Variants in ABLIM2 observed in about 807,000 individuals in gnomAD.
ABLIM2 encodes actin binding LIM protein family member 2.
In ABLIM2, 53 loss-of-function variants were observed where a neutral mutation model predicts 97.7. That is an observed-to-expected ratio of 0.54 (90% CI 0.44 to 0.68). The LOEUF is 0.68. Among genes scored for constraint, ABLIM2 ranks in the 30% least tolerant of loss-of-function variants. The pLI is 0.00. For missense variants in ABLIM2, 835 were observed against 867.2 expected, an observed-to-expected ratio of 0.96 and a Z score of 0.47; for synonymous variants, 361 against 345.8, an observed-to-expected ratio of 1.04 and a Z score of -0.49.
rs1032155269 is a variant in ABLIM2, at chr4:8,032,979, A to T, written c.1047+3170T>A. Among the ~76,000 whole-genome samples, 1 of 152,194 alleles carries T rather than the reference A, an allele frequency of 6.6e-6. No homozygotes were observed. Among genetic ancestry groups the T allele is most frequent in the Non-Finnish European group, 1.5e-5 (1 of 68,040 alleles). On this transcript the variant is annotated intron_variant, in intron 10 of 20. Coordinates refer to ENST00000447017, the MANE Select transcript of ABLIM2 (RefSeq NM_001130083.2). This position sits in a 1 kb window ranked among gnomAD's most constrained non-coding sequence, Gnocchi z 4.3. ...CACGTCCCACTGTTCTCCCACAAAG[A>T]TGTGTTTTCCCAAAAGGAAGACACT...
chr4:7,968,771 G>A (rs1457067935), intron 20 of ABLIM2, among the ~76,000 whole-genome samples: 2 of 152,244 alleles, frequency 1.3e-5, no homozygotes, highest in Admixed American at 6.5e-5. Flanking sequence ...GAGTTGGAAT[G>A]TTCCGGAGCT....
intron 1 of ABLIM2, among the ~76,000 whole-genome samples, chr4:8,108,634 C>T (rs769994086): frequency 1.3e-5 from 2 of 152,230 alleles, no homozygotes; most frequent in Non-Finnish European, 2.9e-5. Context: ...TGGAGAAAGC[C>T]AAATACATCC....
rs1848633050 is a variant in ABLIM2, at chr4:8,127,744, G to A, written c.11-21107C>T. On this transcript the variant is annotated intron_variant, in intron 1 of 20. Transcript: ENST00000447017. The surrounding 1 kb of genome is among the most constrained non-coding windows in gnomAD (Gnocchi z 7.3). The stretch of plus-strand genomic sequence containing the variant: ...CACCCTCTGCCCGGGGAGGGGCAGA[G>A]CCAAGCCCTTCCCGGCACACTGAAA... The A allele has an allele frequency of 2.0e-6, 2 of 979,756 alleles. No homozygotes were observed. The highest frequency in any genetic ancestry group is 4.7e-5 in the South Asian group (1 of 21,190). 60.7% of individuals were successfully genotyped at this position (979,756 alleles called of 1,614,324 possible). A position where few individuals can be genotyped will look rare whatever the true frequency, so the allele number is the denominator to read the frequency against.
At chr4:7,971,876 C>T (rs921572418) in intron 20 of ABLIM2, among the ~76,000 whole-genome samples, 10 of 152,162 alleles carry the variant, frequency 6.6e-5, no homozygotes, top group African/African-American at 1.4e-4. Context: ...GCTGGCTGAC[C>T]GGGTGGGCCT....
At chr4:8,100,241 G>C (rs1022323739) in intron 2 of ABLIM2, among the ~76,000 whole-genome samples, 1 of 152,186 alleles carries the variant, frequency 6.6e-6, no homozygotes, top group Non-Finnish European at 1.5e-5. Context: ...CAGAAATTCA[G>C]TTGCAACAAT....
chr4:8,077,540 C>G (rs1049291130), intron 6 of ABLIM2, 88 bp downstream of exon 6: 22 of 1,277,552 alleles, frequency 1.7e-5, no homozygotes, highest in Non-Finnish European at 2.4e-5. Context: ...GATTCTTGCA[C>G]AAACACACAC....
intron 3 of ABLIM2, among the ~76,000 whole-genome samples, chr4:8,091,601 T>TATATA (rs371964121): frequency 0.46 from 23,675 of 51,910 alleles, 7,358 homozygotes; most frequent in Middle Eastern, 0.58. Context: ...TATATAATTA[T>TATATA]ATATATTATG....
intron 7 of ABLIM2, among the ~76,000 whole-genome samples, chr4:8,055,282 T>C (rs1798353048): frequency 1.3e-5 from 2 of 152,180 alleles, no homozygotes; most frequent in Admixed American, 6.5e-5. Flanking sequence ...CACTTGCTCC[T>C]CCTGGGGCCT....
intron 1 of ABLIM2, among the ~76,000 whole-genome samples, chr4:8,135,700 A>G (rs1850093210): frequency 6.6e-6 from 1 of 152,200 alleles, no homozygotes; most frequent in East Asian, 1.9e-4. Context: ...GAGTGGCCCC[A>G]GTGGATGAAG....
intron 20 of ABLIM2, among the ~76,000 whole-genome samples, chr4:7,982,074 C>T (rs1738995833): frequency 6.6e-6 from 1 of 151,952 alleles, no homozygotes; most frequent in African/African-American, 2.4e-5. Context: ...GCACCCATGC[C>T]CCTCCAACTC....
intron 2 of ABLIM2, among the ~76,000 whole-genome samples, chr4:8,100,411 T>C (rs1453948635): frequency 1.3e-5 from 2 of 152,068 alleles, no homozygotes; most frequent in Admixed American, 6.6e-5. Context: ...ATGTGTAAAA[T>C]AGAGTTAGCA....
In ABLIM2 at chr4:7,998,385, A is replaced by G. The variant is rs941982173; in HGVS notation, c.1619-5458T>C. On this transcript the variant is annotated intron_variant, in intron 16 of 20. Coordinates refer to ENST00000447017, the MANE Select transcript of ABLIM2 (RefSeq NM_001130083.2). This position sits in a 1 kb window ranked among gnomAD's most constrained non-coding sequence, Gnocchi z 6.4. Reference sequence around the variant, plus strand: ...TGTTCTTTTGGAGGCTACGGTTCCAATGACAATTTGCTTTTCAGAATGCTT... The same window carrying G: ...TGTTCTTTTGGAGGCTACGGTTCCAGTGACAATTTGCTTTTCAGAATGCTT... Among the ~76,000 whole-genome samples, 2 of 152,178 alleles carry G rather than the reference A, an allele frequency of 1.3e-5. No homozygotes were observed. The highest frequency in any genetic ancestry group is 4.8e-5 in the African/African-American group (2 of 41,452).
In ABLIM2 at chr4:8,141,364, C is replaced by T. The variant is rs370679460; in HGVS notation, c.10+17316G>A. ...CAGTTAATTACCAGCCCCTCTTCCT[C>T]CTCGGCAAATCACAGCCACACATGC... On this transcript the variant is annotated intron_variant, in intron 1 of 20. Coordinates refer to ENST00000447017, the MANE Select transcript of ABLIM2 (RefSeq NM_001130083.2). 1.7e-4 allele frequency among the ~76,000 whole-genome samples: 26 copies of T among 152,312 alleles called. No homozygotes were observed. In the South Asian group the frequency reaches 1.9e-3, roughly 11 times the overall value.
chr4:8,143,933 G>A (rs61633853), intron 1 of ABLIM2, among the ~76,000 whole-genome samples: 13,619 of 152,172 alleles, frequency 0.089, 782 homozygotes, highest in Middle Eastern at 0.15. Flanking sequence ...TGGTCTCCTC[G>A]GGGAGCGGCA....
rs1351155988 is a variant in ABLIM2 at position 8,022,463 on chromosome 4, C to A, written c.1268-2160G>T. ...TCAGATACTTGGAGGGGCCTGAGGC[C>A]GCAGGGAAGCTGGGGACACAGCCAT... On this transcript the variant is annotated intron_variant, in intron 12 of 20. Coordinates refer to ENST00000447017, the MANE Select transcript of ABLIM2 (RefSeq NM_001130083.2). This position sits in a 1 kb window ranked among gnomAD's most constrained non-coding sequence, Gnocchi z 7.8. Among the ~76,000 whole-genome samples the A allele has an allele frequency of 6.6e-6, 1 of 152,204 alleles. No homozygotes were observed. Among genetic ancestry groups the A allele is most frequent in the Non-Finnish European group, 1.5e-5 (1 of 68,034 alleles).
chr4:8,105,041 G>C (rs1836577048), intron 2 of ABLIM2, among the ~76,000 whole-genome samples: 1 of 152,146 alleles, frequency 6.6e-6, no homozygotes, highest in Admixed American at 6.5e-5. Flanking sequence ...CTGCAGACAC[G>C]CCTGGAATGC....
chr4:8,036,905 T>C (rs1784821845), intron 9 of ABLIM2, among the ~76,000 whole-genome samples: 1 of 151,452 alleles, frequency 6.6e-6, no homozygotes, highest in African/African-American at 2.4e-5. Context: ...TCCCTTACTA[T>C]TCATGTGGGA....
At position 7,970,902 on chromosome 4, in the gene ABLIM2, G is replaced by A. The variant is rs527905906; in HGVS notation, c.1825-3799C>T. ...TGTGGCCTACAGGGCCCAGGACTTG[G>A]GGCCAGGGGTCTAGGGGGCTGACAG... On this transcript the variant is annotated intron_variant, in intron 20 of 20. Coordinates refer to ENST00000447017, the MANE Select transcript of ABLIM2 (RefSeq NM_001130083.2). The surrounding 1 kb of genome is among the most constrained non-coding windows in gnomAD (Gnocchi z 5.3). Among the ~76,000 whole-genome samples the A allele has an allele frequency of 6.6e-6, 1 of 152,132 alleles. No individual in the cohort carries two copies. Among genetic ancestry groups the A allele is most frequent in the South Asian group, 2.1e-4 (1 of 4,822 alleles).
chr4:7,983,278 G>C lies in ABLIM2; in HGVS notation c.1810C>G (p.Arg604Gly). 6.2e-7 allele frequency: 1 copy of C among 1,611,458 alleles called. No homozygotes were observed. Among genetic ancestry groups the C allele is most frequent in the Non-Finnish European group, 8.5e-7 (1 of 1,179,150 alleles). The change falls in exon 20 of 21, where the codon CGG (arginine) becomes GGG (glycine). Residue 604 changes from arginine (R) to glycine (G), a missense_variant. Arg to Gly is a moderately radical substitution (Grantham distance 125). Coordinates refer to ENST00000447017, the MANE Select transcript of ABLIM2 (RefSeq NM_001130083.2). ...CCCCCGCTTACCTCCAGTCTCGTCC[G>C]GTCCACGTCTTTGGGCAGTTTCACG... ...IRVKLPKDVD[R>G]TRLERHLSPE...
Sources: allele counts gnomAD v4.1 joint callset (sites outside exome capture counted in the v4.1 genomes callset), GRCh38; gene constraint gnomAD v4.1.1; non-coding constraint Gnocchi (gnomAD v3.1); transcripts MANE v1.5; gene names NCBI Gene and HGNC (gene_info 2026-07-23, HGNC 2026-07-21).